Variants in RIT2 observed in about 807,000 individuals in gnomAD.
RIT2 encodes the protein Ras like without CAAX 2.
In RIT2, 24 loss-of-function variants were observed where a neutral mutation model predicts 23.7. The observed-to-expected ratio is 1.01, with a 90% CI of 0.73 to 1.43. The LOEUF is 1.43. Ranked by LOEUF, RIT2 falls within the 40% of genes most tolerant of loss-of-function variation. The pLI, the probability that RIT2 is intolerant of heterozygous loss-of-function variation, is 0.00. For synonymous variants in RIT2, 107 were observed against 91.1 expected, an observed-to-expected ratio of 1.17 and a Z score of -0.99; for missense variants, 236 against 266.9, an observed-to-expected ratio of 0.88 and a Z score of 0.81.
chr18:42,986,319 T>C (rs572794998), intron 2 of RIT2, among the ~76,000 whole-genome samples: 18 of 151,182 alleles, frequency 1.2e-4, no homozygotes, highest in African/African-American at 3.9e-4. Flanking sequence ...GTGAGGCACC[T>C]TGCCCGGCCC....
chr18:43,031,923 C>T (rs1194941317), intron 2 of RIT2, among the ~76,000 whole-genome samples: 1 of 151,998 alleles, frequency 6.6e-6, no homozygotes, highest in African/African-American at 2.4e-5. Flanking sequence ...GTCATTAAGT[C>T]AGCCACATTG....
chr18:43,054,431 A>T (rs1220536997), intron 1 of RIT2, among the ~76,000 whole-genome samples: 1 of 152,106 alleles, frequency 6.6e-6, no homozygotes, highest in African/African-American at 2.4e-5. Flanking sequence ...AACATGTTTA[A>T]ATAAAGAAAG....
intron 4 of RIT2, among the ~76,000 whole-genome samples, chr18:42,797,860 A>T (rs1021315601): frequency 1.3e-5 from 2 of 152,212 alleles, no homozygotes; most frequent in African/African-American, 4.8e-5. Flanking sequence ...ATGGCAAGGC[A>T]TACAAGGGAA....
intron 3 of RIT2, among the ~76,000 whole-genome samples, chr18:42,952,775 T>C (rs1021957754): frequency 6.6e-6 from 1 of 152,072 alleles, no homozygotes; most frequent in African/African-American, 2.4e-5. Context: ...ATATATAATG[T>C]ATAAAGAATA....
intron 4 of RIT2, among the ~76,000 whole-genome samples, chr18:42,890,387 T>C (rs549911084): frequency 6.6e-6 from 1 of 152,116 alleles, no homozygotes; most frequent in South Asian, 2.1e-4. Context: ...GTAGATAAAA[T>C]TTTTAATACT....
chr18:42,932,804 C>G (rs547946160), intron 3 of RIT2, among the ~76,000 whole-genome samples: 1 of 152,182 alleles, frequency 6.6e-6, no homozygotes, highest in Non-Finnish European at 1.5e-5. Flanking sequence ...CTTCCTTTGC[C>G]GTGATCTGAA....
At chr18:42,917,910 GA>G (rs368003865) in intron 4 of RIT2, among the ~76,000 whole-genome samples, 122 of 152,198 alleles carry the variant, frequency 8.0e-4, no homozygotes, top group African/African-American at 2.5e-3. Context: ...ATACAGCTCT[GA>G]TTCTTACACT....
chr18:43,041,091 G>GT (rs1184306318), intron 1 of RIT2, among the ~76,000 whole-genome samples: 3 of 152,066 alleles, frequency 2.0e-5, no homozygotes, highest in Non-Finnish European at 2.9e-5. Context: ...TATGTGAAGC[G>GT]TTTTTTCAGG....
intron 4 of RIT2, among the ~76,000 whole-genome samples, chr18:42,825,703 G>A (rs1568005996): frequency 6.6e-6 from 1 of 151,806 alleles, no homozygotes; most frequent in African/African-American, 2.4e-5. Context: ...TGTGTTTTAT[G>A]TATGTATGTA....
chr18:43,108,308 G>T (rs1476945273), intron 1 of RIT2, among the ~76,000 whole-genome samples: 1 of 151,954 alleles, frequency 6.6e-6, no homozygotes, highest in Non-Finnish European at 1.5e-5. Context: ...AGGCACATTA[G>T]GTTCATCATT....
intron 4 of RIT2, among the ~76,000 whole-genome samples, chr18:42,919,348 T>G (rs1411398917): frequency 6.6e-6 from 1 of 152,102 alleles, no homozygotes; most frequent in African/African-American, 2.4e-5. Context: ...TTTCAAGGCC[T>G]AAAGCTGAGA....
At chr18:42,869,194 T>G (rs560494759) in intron 4 of RIT2, among the ~76,000 whole-genome samples, 4 of 152,248 alleles carry the variant, frequency 2.6e-5, no homozygotes, top group Admixed American at 6.5e-5. Context: ...GGTTTCAGGA[T>G]GAAACTGTTC....
intron 4 of RIT2, among the ~76,000 whole-genome samples, chr18:42,781,846 A>C (rs975407378): frequency 6.6e-6 from 1 of 152,210 alleles, no homozygotes; most frequent in Non-Finnish European, 1.5e-5. Flanking sequence ...CAAAAGTCTA[A>C]TGGGGTAGAG....
At chr18:43,041,545 A>C (rs1486820200) in intron 1 of RIT2, among the ~76,000 whole-genome samples, 1 of 152,164 alleles carries the variant, frequency 6.6e-6, no homozygotes, top group Admixed American at 6.5e-5. Flanking sequence ...GGACTTTATA[A>C]AATATTCATT....
chr18:42,980,542 T>C (rs1347555264), intron 2 of RIT2, among the ~76,000 whole-genome samples: 6 of 152,086 alleles, frequency 3.9e-5, no homozygotes, highest in Non-Finnish European at 7.4e-5. Context: ...CCCCGGAGAT[T>C]CCCAGTGTTA....
At chr18:42,925,357 T>C (rs750950660) in intron 3 of RIT2, among the ~76,000 whole-genome samples, 4 of 152,064 alleles carry the variant, frequency 2.6e-5, no homozygotes, top group Non-Finnish European at 4.4e-5. Flanking sequence ...AAGTATGGAC[T>C]GAAAATGATA....
chr18:42,871,339 A>C, intron 4 of RIT2, among the ~76,000 whole-genome samples: 1 of 152,322 alleles, frequency 6.6e-6, no homozygotes, highest in Admixed American at 6.5e-5. Context: ...ATAGTCTTGT[A>C]AAATCATTTA....
intron 4 of RIT2, among the ~76,000 whole-genome samples, chr18:42,909,454 A>C (rs1019271834): frequency 6.6e-6 from 1 of 152,138 alleles, no homozygotes; most frequent in East Asian, 1.9e-4. Flanking sequence ...CCTTTACCCC[A>C]AAAATTGTTG....
At chr18:42,908,388 T>TA (rs773057236) in intron 4 of RIT2, among the ~76,000 whole-genome samples, 4 of 152,104 alleles carry the variant, frequency 2.6e-5, no homozygotes, top group Non-Finnish European at 5.9e-5. Context: ...TTCAAATAAA[T>TA]ACTGGCTGAA....
Sources: allele counts gnomAD v4.1 joint callset (sites outside exome capture counted in the v4.1 genomes callset), GRCh38; gene constraint gnomAD v4.1.1; transcripts MANE v1.5; gene names NCBI Gene and HGNC (gene_info 2026-07-23, HGNC 2026-07-21).